Variants in RAP1GAP observed in about 807,000 individuals in gnomAD.
RAP1GAP encodes rap1 GTPase-activating protein 1.
RAP1GAP carries 35 observed loss-of-function variants against 87.2 expected under a neutral mutation model. That is an observed-to-expected ratio of 0.40 (90% CI 0.31 to 0.53). RAP1GAP has a LOEUF of 0.53. Among genes scored for constraint, RAP1GAP ranks in the 20% least tolerant of loss-of-function variants. The probability of loss-of-function intolerance (pLI) is 0.48; values close to 1 mark genes in which losing one functional copy is unlikely to be tolerated. For synonymous variants in RAP1GAP, 375 were observed against 363.9 expected, an observed-to-expected ratio of 1.03 and a Z score of -0.35; for missense variants, 734 against 898.9, an observed-to-expected ratio of 0.82 and a Z score of 2.35.
rs148379794 is a variant in RAP1GAP, at chr1:21,623,837, C to T, written c.-19+2467G>A. Among the ~76,000 whole-genome samples the T allele has an allele frequency of 3.3e-5, 5 of 152,354 alleles. No homozygotes were observed. The East Asian group carries it at 7.7e-4, about 23-fold the overall frequency. ...ATTCCCACACTGCCCCCGGGGGAGG[C>T]GAGACCTGCTCACAGCACTGGAGAT... is the stretch of plus-strand genomic sequence containing the variant. On this transcript the variant is annotated intron_variant, in intron 3 of 24. Coordinates refer to ENST00000374765, the MANE Select transcript of RAP1GAP (RefSeq NM_002885.4).
intron 1 of RAP1GAP, among the ~76,000 whole-genome samples, chr1:21,667,851 C>T (rs2097424108): frequency 6.6e-6 from 1 of 152,204 alleles, no homozygotes; most frequent in South Asian, 2.1e-4. Flanking sequence ...GCTCGTGCCA[C>T]CTGAGGATTA....
chr1:21,613,279 AGGATGGG>A lies in RAP1GAP; in HGVS notation c.475-57_475-51del. ...TGTGAGGTGTGGGGCCAGGGAGGAGAGGATGGGGCTGCCTGGGCCTCCCTGGTCAAGG... is the reference window on the plus strand; with the variant it reads ...TGTGAGGTGTGGGGCCAGGGAGGAGAGCTGCCTGGGCCTCCCTGGTCAAGG... On this transcript the variant is annotated intron_variant, in intron 9 of 24. Transcript: ENST00000374765. This position sits in a 1 kb window ranked among gnomAD's most constrained non-coding sequence, Gnocchi z 4.7. 1 of 1,486,982 alleles carries A rather than the reference AGGATGGG, an allele frequency of 6.7e-7. No individual in the cohort carries two copies. Among genetic ancestry groups the A allele is most frequent in the Non-Finnish European group, 9.4e-7 (1 of 1,064,954 alleles). 92.1% of individuals were successfully genotyped at this position (1,486,982 alleles called of 1,614,324 possible).
Position 21,613,835 on chromosome 1 carries a change from G to A in RAP1GAP, c.396-129C>T. 8.7e-7 allele frequency: 1 copy of A among 1,148,648 alleles called. No individual in the cohort carries two copies. Among genetic ancestry groups the A allele is most frequent in the Non-Finnish European group, 1.3e-6 (1 of 778,894 alleles). The allele number at this position is 1,148,648 out of a possible 1,614,324, so 71.2% of individuals were successfully genotyped here. On this transcript the variant is annotated intron_variant, in intron 8 of 24. Coordinates refer to ENST00000374765, the MANE Select transcript of RAP1GAP (RefSeq NM_002885.4). This position sits in a 1 kb window ranked among gnomAD's most constrained non-coding sequence, Gnocchi z 4.7. ...GACCAGAGGTGATGATGGGTGTCAGGCTGACTCGGGTACTAACTTGCTGTG... is the reference window on the plus strand; with the variant it reads ...GACCAGAGGTGATGATGGGTGTCAGACTGACTCGGGTACTAACTTGCTGTG...
chr1:21,604,185 G>C (rs1443201188), intron 18 of RAP1GAP, among the ~76,000 whole-genome samples: 2 of 151,982 alleles, frequency 1.3e-5, no homozygotes, highest in Non-Finnish European at 2.9e-5. Context: ...AGCCAGCGAG[G>C]GCACACCAGA....
intron 7 of RAP1GAP, among the ~76,000 whole-genome samples, chr1:21,616,240 A>G (rs2082097832): frequency 6.6e-6 from 1 of 152,048 alleles, no homozygotes; most frequent in Non-Finnish European, 1.5e-5. Context: ...ATGGAAGGTC[A>G]GCCAAAGCTG....
chr1:21,613,192 G>A lies in RAP1GAP; in HGVS notation c.512C>T (p.Pro171Leu), dbSNP rs1313358680. 1.3e-6 allele frequency: 2 copies of A among 1,561,636 alleles called. No homozygotes were observed. Among genetic ancestry groups the A allele is most frequent in the Non-Finnish European group, 1.8e-6 (2 of 1,132,444 alleles). ...CAGCCATACCTTGGGGTAGAGCACAGGATAGAACCGATCCACATTGACGTC... is the reference window on the plus strand; with the variant it reads ...CAGCCATACCTTGGGGTAGAGCACAAGATAGAACCGATCCACATTGACGTC... The part of the protein sequence containing the change: ...CEDVNVDRFY[P>L]VLYPKASRLI... The change falls in exon 10 of 25, where the codon CCT (proline) becomes CTT (leucine). Residue 171 changes from proline to leucine, a missense_variant. Pro to Leu is a moderately conservative substitution (Grantham distance 98). Transcript: ENST00000374765. This position sits in a 1 kb window ranked among gnomAD's most constrained non-coding sequence, Gnocchi z 4.7.
intron 2 of RAP1GAP, among the ~76,000 whole-genome samples, chr1:21,631,988 T>C (rs2093842890): frequency 6.6e-6 from 1 of 152,170 alleles, no homozygotes; most frequent in Admixed American, 6.5e-5. Flanking sequence ...GGCTCTGCTC[T>C]GTCTGGCCTG....
Position 21,613,166 on chromosome 1 carries a change from C to T in RAP1GAP, c.528+10G>A, listed in dbSNP as rs995711434. On this transcript the variant is annotated intron_variant, in intron 10 of 24. Transcript: ENST00000374765. This position sits in a 1 kb window ranked among gnomAD's most constrained non-coding sequence, Gnocchi z 4.7. ...CACCCTCAGTGAGCTGTGCCCAGATCCAGCCATACCTTGGGGTAGAGCACA... is the reference window on the plus strand; with the variant it reads ...CACCCTCAGTGAGCTGTGCCCAGATTCAGCCATACCTTGGGGTAGAGCACA... The T allele has an allele frequency of 3.9e-6, 6 of 1,538,624 alleles. No individual in the cohort carries two copies. The highest frequency in any genetic ancestry group is 4.5e-6 in the Non-Finnish European group (5 of 1,111,582).
intron 20 of RAP1GAP, among the ~76,000 whole-genome samples, chr1:21,600,727 A>G (rs933480124): frequency 6.6e-6 from 1 of 152,006 alleles, no homozygotes; most frequent in Non-Finnish European, 1.5e-5. Flanking sequence ...TCTACTAAAA[A>G]TACAAAAATT....
At chr1:21,646,266 G>A (rs1033278716) in intron 2 of RAP1GAP, among the ~76,000 whole-genome samples, 2 of 152,182 alleles carry the variant, frequency 1.3e-5, no homozygotes, top group Non-Finnish European at 2.9e-5. Context: ...CACATGGACT[G>A]AGCAGTGACT....
At chr1:21,604,468 A>G (rs2072237266) in intron 18 of RAP1GAP, among the ~76,000 whole-genome samples, 1 of 152,070 alleles carries the variant, frequency 6.6e-6, no homozygotes, top group Admixed American at 6.5e-5. Context: ...GAAAGGAGGA[A>G]ACACAGAGAG....
Position 21,613,657 on chromosome 1 carries a change from C to G in RAP1GAP, c.445G>C (p.Glu149Gln). 6.2e-7 allele frequency: 1 copy of G among 1,613,744 alleles called. No homozygotes were observed. The highest frequency in any genetic ancestry group is 8.5e-7 in the Non-Finnish European group (1 of 1,179,810). The change falls in exon 9 of 25, where the codon GAG (glutamate) becomes CAG (glutamine). Residue 149 changes from glutamate (E) to glutamine (Q), a missense_variant. Glu to Gln is a conservative substitution (Grantham distance 29). Around this residue, in one of 2 missense-constraint regions of RAP1GAP, gnomAD observed 485 missense variants for 646.2 expected, o/e 0.75. Coordinates refer to ENST00000374765, the MANE Select transcript of RAP1GAP (RefSeq NM_002885.4). The surrounding 1 kb of genome is among the most constrained non-coding windows in gnomAD (Gnocchi z 4.7). ...HDVIPISCLT[E>Q]FPNVVQMAKL... ...GCCATCTGGACAACATTAGGGAACTCGGTGAGGCAGGAGATGGGGATGACA... is the reference window on the plus strand; with the variant it reads ...GCCATCTGGACAACATTAGGGAACTGGGTGAGGCAGGAGATGGGGATGACA...
chr1:21,622,540 G>A lies in RAP1GAP; in HGVS notation c.-18-2490C>T, dbSNP rs1288592380. The A allele has an allele frequency of 1.4e-5, 2 of 147,836 alleles. No individual in the cohort carries two copies. Among genetic ancestry groups the A allele is most frequent in the Admixed American group, 6.8e-5 (1 of 14,810 alleles). 9.2% of individuals were successfully genotyped at this position (147,836 alleles called of 1,614,324 possible). ...CTCCGCGCTCCCGGCTCCCGGCGGCGGCGCTGCCTGCGATGGGCTCGCCCC... is the reference window on the plus strand; with the variant it reads ...CTCCGCGCTCCCGGCTCCCGGCGGCAGCGCTGCCTGCGATGGGCTCGCCCC... On this transcript the variant is annotated intron_variant, in intron 3 of 24. Coordinates refer to ENST00000374765, the MANE Select transcript of RAP1GAP (RefSeq NM_002885.4). The surrounding 1 kb of genome is among the most constrained non-coding windows in gnomAD (Gnocchi z 5.7).
At chr1:21,664,017 T>A (rs1467015146) in intron 1 of RAP1GAP, among the ~76,000 whole-genome samples, 3 of 152,090 alleles carry the variant, frequency 2.0e-5, no homozygotes, top group Non-Finnish European at 4.4e-5. Context: ...AGAAACTACA[T>A]CCTCCCATTC....
intron 1 of RAP1GAP, among the ~76,000 whole-genome samples, chr1:21,656,686 G>A (rs1571443190): frequency 6.6e-6 from 1 of 152,152 alleles, no homozygotes; most frequent in African/African-American, 2.4e-5. Context: ...AGGTTACTGA[G>A]CCAGCCTCTG....
At chr1:21,599,419 C>G in intron 21 of RAP1GAP, 75 bp downstream of exon 21, 1 of 1,541,336 alleles carries the variant, frequency 6.5e-7, no homozygotes. Flanking sequence ...CGTGGTTCTA[C>G]TCAGGGCATC....
chr1:21,613,612 G>A lies in RAP1GAP; in HGVS notation c.474+16C>T, dbSNP rs766085877. ...GCGGAGCCAGCCCGGGAAGCTCAGC[G>A]GAGCGGAGACCTCACCTTTGCCATC... On this transcript the variant is annotated intron_variant, in intron 9 of 24. Coordinates refer to ENST00000374765, the MANE Select transcript of RAP1GAP (RefSeq NM_002885.4). The surrounding 1 kb of genome is among the most constrained non-coding windows in gnomAD (Gnocchi z 4.7). The A allele has an allele frequency of 1.3e-4, 202 of 1,603,840 alleles. No individual in the cohort carries two copies. The highest frequency in any genetic ancestry group is 1.6e-4 in the Non-Finnish European group (190 of 1,170,880).
chr1:21,650,844 C>CT (rs1397853793), intron 1 of RAP1GAP, among the ~76,000 whole-genome samples: 15 of 147,100 alleles, frequency 1.0e-4, no homozygotes, highest in African/African-American at 3.7e-4. Flanking sequence ...CCACCCTCTG[C>CT]TGGGGTCACC....
At position 21,622,323 on chromosome 1, in the gene RAP1GAP, C is replaced by G; in HGVS notation, c.-18-2273G>C. ...CCCGGGGTCCCTCCGCCATGCCGCC[C>G]CGCCCGGGTCCTCACCTGCCAGCTG... is the stretch of plus-strand genomic sequence containing the variant. On this transcript the variant is annotated intron_variant, in intron 3 of 24. Coordinates refer to ENST00000374765, the MANE Select transcript of RAP1GAP (RefSeq NM_002885.4). The surrounding 1 kb of genome is among the most constrained non-coding windows in gnomAD (Gnocchi z 5.7). 1 of 504,208 alleles carries G rather than the reference C, an allele frequency of 2.0e-6. No homozygotes were observed. The highest frequency in any genetic ancestry group is 3.5e-6 in the Non-Finnish European group (1 of 283,014). The allele number at this position is 504,208 out of a possible 1,614,324, so 31.2% of individuals were successfully genotyped here. A position where few individuals can be genotyped will look rare whatever the true frequency, so the allele number is the denominator to read the frequency against.
Sources: gnomAD v4.1 joint callset for allele counts (sites outside exome capture counted in the v4.1 genomes callset) on GRCh38, gnomAD v4.1.1 for gene constraint, gnomAD v4.1.1 regional missense constraint, Gnocchi (gnomAD v3.1) non-coding constraint, MANE v1.5 for transcripts, NCBI Gene and HGNC (gene_info 2026-07-23, HGNC 2026-07-21) for gene names.